The following NLRP5 variants were observed in gnomAD, a reference collection of about 807,000 sequenced individuals.
NLRP5 encodes NLR family pyrin domain containing 5, also known as NACHT, LRR and PYD domains-containing protein 5.
NLRP5 carries 93 observed loss-of-function variants against 113.1 expected under a neutral mutation model. The ratio of observed to expected loss-of-function variants is 0.82; its 90% CI spans 0.70 to 0.98. NLRP5 has a LOEUF of 0.98. NLRP5 is among the 50% of genes least tolerant of loss of function. The probability of loss-of-function intolerance (pLI) is 0.00; values close to 1 mark genes in which losing one functional copy is unlikely to be tolerated. For synonymous variants in NLRP5, 751 were observed against 600.7 expected (o/e 1.25, Z -3.66); for missense variants, 1,808 against 1,514.3 (o/e 1.19, Z -3.22).
At chr19:56,010,198 G>C (rs1275291372) in intron 3 of NLRP5, among the ~76,000 whole-genome samples, 1 of 151,504 alleles carries the variant, frequency 6.6e-6, no homozygotes, top group Non-Finnish European at 1.5e-5. Context: ...CAGTGCTTTA[G>C]TCCATGCTTC....
At chr19:56,011,158 A>ATATATATAT (rs1555765000) in intron 3 of NLRP5, among the ~76,000 whole-genome samples, 1 of 145,124 alleles carries the variant, frequency 6.9e-6, no homozygotes, top group African/African-American at 2.5e-5. Flanking sequence ...GTCTTTAAAA[A>ATATATATAT]ATATATATAC....
intron 7 of NLRP5, among the ~76,000 whole-genome samples, chr19:56,028,897 T>A (rs1207216252): frequency 6.6e-6 from 1 of 152,150 alleles, no homozygotes; most frequent in Non-Finnish European, 1.5e-5. Flanking sequence ...GCCGAGGAGC[T>A]GGGACTACAG....
chr19:55,993,155 A>G, the NLRP5 span, among the ~76,000 whole-genome samples: 2 of 151,814 alleles, frequency 1.3e-5, no homozygotes, highest in East Asian at 1.9e-4. Context: ...GGCCCGAGTG[A>G]TATTTTGATA....
intron 3 of NLRP5, among the ~76,000 whole-genome samples, chr19:56,014,174 A>G (rs1982317283): frequency 6.6e-6 from 1 of 152,004 alleles, no homozygotes; most frequent in African/African-American, 2.4e-5. Flanking sequence ...TTTTGGTGTT[A>G]TATCTTTAAA....
upstream of NLRP5, chr19:55,999,669 G>C: frequency 7.5e-7 from 1 of 1,337,186 alleles, no homozygotes; most frequent in Non-Finnish European, 1.1e-6. Context: ...CTGATTTCCA[G>C]CTTCCAGAGG....
intron 3 of NLRP5, among the ~76,000 whole-genome samples, chr19:56,010,234 G>T (rs757070789): frequency 6.6e-6 from 1 of 152,132 alleles, no homozygotes; most frequent in Admixed American, 6.6e-5. Flanking sequence ...ACTGGCTGTC[G>T]TTAGTCATGC....
chr19:56,054,567 G>GGA (rs1984056688), intron 13 of NLRP5, among the ~76,000 whole-genome samples: 1 of 139,156 alleles, frequency 7.2e-6, no homozygotes, highest in African/African-American at 2.7e-5. Context: ...CAAAAAAAGT[G>GGA]AAAAAAAAAA....
At chr19:56,015,598 G>C in intron 3 of NLRP5, 144 bp from the exon 4 acceptor site, 1 of 522,686 alleles carries the variant, frequency 1.9e-6, no homozygotes, top group South Asian at 4.8e-5. Context: ...ACACTGCCCT[G>C]GCGCTGAGCC....
At chr19:56,009,693 C>T (rs189119749) in intron 3 of NLRP5, among the ~76,000 whole-genome samples, 2 of 152,278 alleles carry the variant, frequency 1.3e-5, no homozygotes, top group East Asian at 3.9e-4. Flanking sequence ...AGGCAGGCTG[C>T]ATAGACACCA....
Position 56,028,455 on chromosome 19 carries a change from A to G in NLRP5, c.2222A>G (p.Lys741Arg), listed in dbSNP as rs138321883. ...TTGCGGAAAATTCGGGTGGATGTCAAAGGGATCTTCCCAAGAGATGAGTCC... is the reference window on the plus strand; with the variant it reads ...TTGCGGAAAATTCGGGTGGATGTCAGAGGGATCTTCCCAAGAGATGAGTCC... The change falls in exon 7 of 15, where the codon AAA becomes AGA. Residue 741 changes from lysine to arginine, a missense_variant. Coordinates refer to ENST00000390649, the MANE Select transcript of NLRP5 (RefSeq NM_153447.4). The G allele has an allele frequency of 4.3e-6, 7 of 1,613,894 alleles. No individual in the cohort carries two copies. Among genetic ancestry groups the G allele is most frequent in the Non-Finnish European group, 5.1e-6 (6 of 1,179,886 alleles).
chr19:56,005,603 CCT>C (rs1981871303), intron 2 of NLRP5, among the ~76,000 whole-genome samples: 16 of 145,704 alleles, frequency 1.1e-4, no homozygotes, highest in Admixed American at 1.5e-4. Flanking sequence ...AGGTGGCATG[CCT>C]GTACACACAT....
At chr19:56,011,632 T>TC (rs1194295022) in intron 3 of NLRP5, among the ~76,000 whole-genome samples, 1 of 152,036 alleles carries the variant, frequency 6.6e-6, no homozygotes, top group African/African-American at 2.4e-5. Flanking sequence ...GCCTGATTTT[T>TC]TTTTTCTTTC....
At chr19:56,001,599 G>A (rs998362884) in intron 1 of NLRP5, among the ~76,000 whole-genome samples, 3 of 152,108 alleles carry the variant, frequency 2.0e-5, no homozygotes, top group African/African-American at 7.2e-5. Flanking sequence ...GCAGGTCAAG[G>A]GAGTATAAAG....
At chr19:56,029,184 G>A (rs1982997407) in intron 7 of NLRP5, among the ~76,000 whole-genome samples, 2 of 152,152 alleles carry the variant, frequency 1.3e-5, no homozygotes, top group Non-Finnish European at 2.9e-5. Context: ...ACAGCCACCA[G>A]CCTCATAAGC....
the NLRP5 span, among the ~76,000 whole-genome samples, chr19:55,986,793 C>T: frequency 6.6e-6 from 1 of 152,228 alleles, no homozygotes; most frequent in African/African-American, 2.4e-5. Flanking sequence ...CAGAGCTGGA[C>T]CTGCTCTTGG....
In NLRP5 at chr19:56,010,755, A is replaced by AAAAAT. The variant is rs78321861; in HGVS notation, c.508+1902_508+1903insAAAAT. ...TTAACTCTGTCTCAAAAAAAAAAAA[A>AAAAAT]GTCCCTTGAAACTAAGCCAACCCAA... On this transcript the variant is annotated intron_variant, in intron 3 of 14. Transcript: ENST00000390649. Among the ~76,000 whole-genome samples the AAAAAT allele has an allele frequency of 4.5e-3, 565 of 125,982 alleles. 42 individuals are homozygous for AAAAAT. Among genetic ancestry groups the AAAAAT allele is most frequent in the African/African-American group, 7.4e-3 (245 of 33,130 alleles). 82.6% of individuals were successfully genotyped at this position (125,982 alleles called of 152,430 possible). A position where few individuals can be genotyped will look rare whatever the true frequency, so the allele number is the denominator to read the frequency against.
chr19:55,991,509 G>A, the NLRP5 span, among the ~76,000 whole-genome samples: 1 of 151,818 alleles, frequency 6.6e-6, no homozygotes, highest in East Asian at 1.9e-4. Flanking sequence ...TCTAGCAGCC[G>A]CATTTTAAAG....
In NLRP5 at chr19:56,004,048, A is replaced by C. The variant is rs373998197; in HGVS notation, c.395A>C (p.Asn132Thr). The C allele has an allele frequency of 6.2e-7, 1 of 1,613,062 alleles. No individual in the cohort carries two copies. Among genetic ancestry groups the C allele is most frequent in the Non-Finnish European group, 8.5e-7 (1 of 1,179,582 alleles). The stretch of plus-strand genomic sequence containing the variant: ...GCTACGTCCATTAGCATCTTTGAAA[A>C]CATGAACCTGCGAACCCTCTCGGAG... The change falls in exon 2 of 15, where the codon AAC becomes ACC. Residue 132 changes from asparagine (N) to threonine (T), a missense_variant. Asn to Thr is a moderately conservative substitution (Grantham distance 65, BLOSUM62 0). Coordinates refer to ENST00000390649, the MANE Select transcript of NLRP5 (RefSeq NM_153447.4).
intron 13 of NLRP5, among the ~76,000 whole-genome samples, chr19:56,054,727 G>A (rs764174448): frequency 6.6e-6 from 1 of 152,092 alleles, no homozygotes; most frequent in Non-Finnish European, 1.5e-5. Flanking sequence ...AAGTAGAGGG[G>A]TTGTCATGGC....
Sources: allele counts gnomAD v4.1 joint callset (sites outside exome capture counted in the v4.1 genomes callset), GRCh38; gene constraint gnomAD v4.1.1; transcripts MANE v1.5; gene names NCBI Gene and HGNC (gene_info 2026-07-23, HGNC 2026-07-21).